Variants in LRRC7 observed in about 807,000 individuals in gnomAD.
The protein encoded by LRRC7 is leucine rich repeat containing 7, also known as leucine-rich repeat-containing protein 7.
A neutral mutation model predicts 175.7 loss-of-function variants in LRRC7; 23 were observed. That is an observed-to-expected ratio of 0.13 (90% CI 0.09 to 0.19). The LOEUF is 0.19. Ranked by LOEUF, LRRC7 falls within the 10% of genes least tolerant of loss-of-function variation. LRRC7 has a pLI of 1.00. For synonymous variants in LRRC7, 685 were observed against 680.9 expected (o/e 1.01, Z -0.09); for missense variants, 1,354 against 1,904.7 (o/e 0.71, Z 5.38).
rs1571416583 is a variant in LRRC7 at position 70,143,190 on chromosome 1, G to T, written c.*21303G>T. On this transcript the variant is annotated 3_prime_UTR_variant, in exon 27 of 27. Coordinates refer to ENST00000651989, the MANE Select transcript of LRRC7 (RefSeq NM_001370785.2). ...GGTCGCTATTTTAGTAAAATGAAGA[G>T]TCTCTAGACTTTTTTTTTTTTTTTA... 6.7e-6 allele frequency: 1 copy of T among 149,352 alleles called. No homozygotes were observed. The highest frequency in any genetic ancestry group is 2.5e-5 in the African/African-American group (1 of 40,614). The allele number at this position is 149,352 out of a possible 1,614,324, so 9.3% of individuals were successfully genotyped here.
chr1:69,997,333 A>G (rs1655083449), intron 11 of LRRC7, among the ~76,000 whole-genome samples: 1 of 151,956 alleles, frequency 6.6e-6, no homozygotes, highest in Non-Finnish European at 1.5e-5. Flanking sequence ...ATATACAATC[A>G]TGTCATCTGC....
At chr1:69,963,466 A>C (rs1482185957) in intron 8 of LRRC7, among the ~76,000 whole-genome samples, 3 of 152,192 alleles carry the variant, frequency 2.0e-5, no homozygotes, top group Non-Finnish European at 4.4e-5. Context: ...AGCAAGGGTC[A>C]AATAAGAGAC....
intron 4 of LRRC7, among the ~76,000 whole-genome samples, chr1:69,824,310 G>A (rs898725098): frequency 3.3e-5 from 5 of 152,252 alleles, no homozygotes; most frequent in Middle Eastern, 3.4e-3. Context: ...ATGGGAAAAT[G>A]TTAAGAATAA....
chr1:69,857,958 A>T, intron 7 of LRRC7, among the ~76,000 whole-genome samples: 1 of 152,168 alleles, frequency 6.6e-6, no homozygotes, highest in Non-Finnish European at 1.5e-5. Flanking sequence ...ATAATACCAC[A>T]GATCTACAAC....
intron 1 of LRRC7, among the ~76,000 whole-genome samples, chr1:69,649,649 G>A (rs932198397): frequency 1.3e-5 from 2 of 152,154 alleles, no homozygotes; most frequent in African/African-American, 2.4e-5. Flanking sequence ...TAGCCCATAT[G>A]GCACCTTTGC....
chr1:70,038,788 C>T lies in LRRC7; in HGVS notation c.2964C>T (p.Ile988=), dbSNP rs149666972. ...KSNKFKKSQS[I]DEIDIGTYKV... is the part of the protein sequence containing the mutation. Reference sequence around the variant, plus strand: ...ATAAATTCAAAAAGTCACAGAGTATCGATGAGATTGACATTGGTACATATA... The same window carrying T: ...ATAAATTCAAAAAGTCACAGAGTATTGATGAGATTGACATTGGTACATATA... The change falls in exon 21 of 27, where the codon ATC becomes ATT. Residue 988 remains isoleucine, a synonymous_variant. Coordinates refer to ENST00000651989, the MANE Select transcript of LRRC7 (RefSeq NM_001370785.2). 1.0e-4 allele frequency: 169 copies of T among 1,613,900 alleles called. No homozygotes were observed. The East Asian group carries it at 1.9e-3, about 19-fold the overall frequency.
intron 1 of LRRC7, among the ~76,000 whole-genome samples, chr1:69,573,269 T>C (rs914249757): frequency 4.6e-5 from 7 of 152,190 alleles, no homozygotes; most frequent in Non-Finnish European, 1.5e-5. Context: ...TTTTTCCCCA[T>C]TCTGTGCTCT....
chr1:69,958,274 G>A (rs1176042548), intron 8 of LRRC7, among the ~76,000 whole-genome samples: 2 of 151,894 alleles, frequency 1.3e-5, no homozygotes, highest in Non-Finnish European at 2.9e-5. Flanking sequence ...TACTAGCTAA[G>A]TACTTAGTCT....
intron 1 of LRRC7, among the ~76,000 whole-genome samples, chr1:69,676,623 T>A (rs960375905): frequency 6.6e-6 from 1 of 152,132 alleles, no homozygotes; most frequent in Non-Finnish European, 1.5e-5. Flanking sequence ...ATTTTCTGGT[T>A]GTCAGCATCG....
intron 3 of LRRC7, among the ~76,000 whole-genome samples, chr1:69,784,544 T>A (rs1192236685): frequency 1.3e-5 from 2 of 152,236 alleles, no homozygotes; most frequent in African/African-American, 4.8e-5. Context: ...TCCTGTGTCC[T>A]CCTTGTTCCA....
In LRRC7 at chr1:70,124,511, C is replaced by A. The variant is rs186388369; in HGVS notation, c.*2624C>A. On this transcript the variant is annotated 3_prime_UTR_variant, in exon 27 of 27. Coordinates refer to ENST00000651989, the MANE Select transcript of LRRC7 (RefSeq NM_001370785.2). ...CTGCACTCCGGCCTGGGCAACAGAGCGAAACTCTGTCTCAAAATAAATAAA... is the reference window on the plus strand; with the variant it reads ...CTGCACTCCGGCCTGGGCAACAGAGAGAAACTCTGTCTCAAAATAAATAAA... 5.7e-3 allele frequency among the ~76,000 whole-genome samples: 862 copies of A among 152,038 alleles called. 35 individuals carry two copies. The highest frequency in any genetic ancestry group is 0.051 in the Admixed American group (785 of 15,268).
intron 3 of LRRC7, among the ~76,000 whole-genome samples, chr1:69,786,597 G>A (rs2101044146): frequency 6.6e-6 from 1 of 152,264 alleles, no homozygotes; most frequent in African/African-American, 2.4e-5. Flanking sequence ...GAGTCCTCAT[G>A]ATCATGATGG....
At chr1:69,678,574 A>G (rs1294699976) in intron 2 of LRRC7, 96 bp downstream of exon 2, 6 of 814,566 alleles carry the variant, frequency 7.4e-6, no homozygotes, top group Non-Finnish European at 1.2e-5. Context: ...TTAGTCAAGC[A>G]ATAGAATATT....
chr1:69,888,178 T>A (rs1281224036), intron 7 of LRRC7, among the ~76,000 whole-genome samples: 1 of 151,606 alleles, frequency 6.6e-6, no homozygotes. Flanking sequence ...TTTGTTTACC[T>A]AAGCAAGCCT....
At position 70,084,209 on chromosome 1, in the gene LRRC7, A is replaced by T. The variant is rs143444750; in HGVS notation, c.4453-5518A>T. On this transcript the variant is annotated intron_variant, in intron 24 of 26. Transcript: ENST00000651989. ...TAAAGTTCATCTGCTTAAAGTGTATAATTTATTGTTTTCATTACATTTGTA... is the reference window on the plus strand; with the variant it reads ...TAAAGTTCATCTGCTTAAAGTGTATTATTTATTGTTTTCATTACATTTGTA... Among the ~76,000 whole-genome samples, 556 of 152,206 alleles carry T rather than the reference A, an allele frequency of 3.7e-3. 3 individuals carry two copies. The highest frequency in any genetic ancestry group is 6.7e-3 in the Non-Finnish European group (458 of 68,002).
chr1:69,733,092 G>C lies in LRRC7; in HGVS notation c.101-27099G>C, dbSNP rs557388821. Among the ~76,000 whole-genome samples the C allele has an allele frequency of 3.3e-5, 5 of 152,016 alleles. No homozygotes were observed. The South Asian group carries it at 6.2e-4, about 19-fold the overall frequency. On this transcript the variant is annotated intron_variant, in intron 2 of 26. Coordinates refer to ENST00000651989, the MANE Select transcript of LRRC7 (RefSeq NM_001370785.2). Reference sequence around the variant, plus strand: ...TATCTATTTAAGACATTTAGAGTTAGAGAATCACAAAAATGAGGATCAATG... The same window carrying C: ...TATCTATTTAAGACATTTAGAGTTACAGAATCACAAAAATGAGGATCAATG...
chr1:69,893,118 C>T (rs1645883798), intron 7 of LRRC7, among the ~76,000 whole-genome samples: 1 of 152,118 alleles, frequency 6.6e-6, no homozygotes, highest in Non-Finnish European at 1.5e-5. Flanking sequence ...ACCATTCAGT[C>T]CTCACAATGG....
chr1:69,678,309 T>C (rs1660047214), intron 1 of LRRC7, 72 bp from the exon 2 acceptor site: 1 of 1,101,354 alleles, frequency 9.1e-7, no homozygotes. Flanking sequence ...ATTTGAATTT[T>C]AGACCATTTA....
At chr1:70,109,697 C>A (rs891356927) in intron 26 of LRRC7, among the ~76,000 whole-genome samples, 3 of 152,004 alleles carry the variant, frequency 2.0e-5, no homozygotes, top group African/African-American at 7.3e-5. Context: ...ATCTGAAATC[C>A]CTCCTAGCTC....
Sources: allele counts gnomAD v4.1 joint callset (sites outside exome capture counted in the v4.1 genomes callset), GRCh38; gene constraint gnomAD v4.1.1; transcripts MANE v1.5; gene names NCBI Gene and HGNC (gene_info 2026-07-23, HGNC 2026-07-21).